Variants in SEM1 observed in about 807,000 individuals in gnomAD.
SEM1 encodes the protein 26S proteasome complex subunit SEM1.
In SEM1, 3 loss-of-function variants were observed where a neutral mutation model predicts 12.7. That is an observed-to-expected ratio of 0.24 (90% CI 0.11 to 0.61). The LOEUF is 0.61. Ranked by LOEUF, SEM1 falls within the 20% of genes least tolerant of loss-of-function variation. The pLI is 0.88. For missense variants in SEM1, 59 were observed against 81.3 expected (o/e 0.73, Z 1.06); for synonymous variants, 30 against 27.8 (o/e 1.08, Z -0.25).
At chr7:96,508,894 C>T (rs1440194538) in intron 2 of SEM1, among the ~76,000 whole-genome samples, 1 of 151,902 alleles carries the variant, frequency 6.6e-6, no homozygotes, top group Non-Finnish European at 1.5e-5. Flanking sequence ...TACGTCTTTA[C>T]TTGATAACTC....
chr7:96,624,670 C>T (rs1005922157), intron 2 of SEM1, among the ~76,000 whole-genome samples: 1 of 152,076 alleles, frequency 6.6e-6, no homozygotes, highest in Non-Finnish European at 1.5e-5. Context: ...TTCAGGATGT[C>T]CCCTTCCAAC....
chr7:96,661,769 C>T (rs530735118), intron 2 of SEM1, among the ~76,000 whole-genome samples: 5 of 152,082 alleles, frequency 3.3e-5, no homozygotes, highest in Non-Finnish European at 5.9e-5. Flanking sequence ...GGGCAGATCA[C>T]CTGAGGTCGG....
At chr7:96,494,003 A>G (rs1803133714) in intron 1 of SEM1, among the ~76,000 whole-genome samples, 1 of 152,178 alleles carries the variant, frequency 6.6e-6, no homozygotes. Context: ...TTCTGGACAG[A>G]TATGTGCTTG....
At chr7:96,483,856 C>T in exon 4 of SEM1, 1 of 1,536,626 alleles carries the variant, frequency 6.5e-7, no homozygotes, top group Non-Finnish European at 8.7e-7. Flanking sequence ...TATTGATATG[C>T]TGCTAGCAAG....
intron 2 of SEM1, among the ~76,000 whole-genome samples, chr7:96,539,658 G>C (rs1804889863): frequency 6.6e-6 from 1 of 151,700 alleles, no homozygotes; most frequent in Admixed American, 6.6e-5. Context: ...AAAATAATGT[G>C]TTGAAAAGGA....
Position 96,569,566 on chromosome 7 carries a change from T to C in SEM1, c.171-62868A>G, listed in dbSNP as rs529857755. ...TTTTTAAAATATATTTTTATTCTTA[T>C]AGATACAGGGGGTACAAGTGCAGAT... On this transcript the variant is annotated intron_variant and NMD_transcript_variant, in intron 2 of 3. Transcript: ENST00000466986. 5.3e-5 allele frequency among the ~76,000 whole-genome samples: 8 copies of C among 152,236 alleles called. No individual in the cohort carries two copies. In the East Asian group the frequency reaches 9.6e-4, roughly 18 times the overall value.
chr7:96,601,926 C>G lies in SEM1; in HGVS notation c.170+92872G>C, dbSNP rs537591773. Among the ~76,000 whole-genome samples, 9 of 152,188 alleles carry G rather than the reference C, an allele frequency of 5.9e-5. No homozygotes were observed. The South Asian group carries it at 1.5e-3, about 25-fold the overall frequency. On this transcript the variant is annotated intron_variant and NMD_transcript_variant, in intron 2 of 3. Transcript: ENST00000466986. ...AAGGTAAACACAAAAAGGTCTATTACATTGGATGTGGAAAGAAGTGAAAAA... is the reference window on the plus strand; with the variant it reads ...AAGGTAAACACAAAAAGGTCTATTAGATTGGATGTGGAAAGAAGTGAAAAA...
At chr7:96,607,617 A>AC (rs5885976) in intron 2 of SEM1, among the ~76,000 whole-genome samples, 146,788 of 152,136 alleles carry the variant, frequency 0.96, 71,022 homozygotes, top group East Asian at 1. Context: ...GTAGCCAGCC[A>AC]CCCCACCTCA....
chr7:96,636,424 G>A (rs1808427781), intron 2 of SEM1, among the ~76,000 whole-genome samples: 1 of 152,034 alleles, frequency 6.6e-6, no homozygotes, highest in African/African-American at 2.4e-5. Flanking sequence ...CTCTGTGGGA[G>A]AAATCCACAG....
chr7:96,673,754 G>A (rs746476924), exon 3 of SEM1: 15 of 765,138 alleles, frequency 2.0e-5, no homozygotes, highest in Admixed American at 8.5e-5. Context: ...ACAGGTTGAT[G>A]ATCTGTTAAC....
chr7:96,646,996 A>G (rs2116422514), intron 2 of SEM1, among the ~76,000 whole-genome samples: 1 of 152,320 alleles, frequency 6.6e-6, no homozygotes, highest in Middle Eastern at 3.4e-3. Context: ...TTAAGCATTG[A>G]GAAAAGCTGG....
intron 3 of SEM1, among the ~76,000 whole-genome samples, chr7:96,504,630 A>C (rs1295048232): frequency 6.6e-6 from 1 of 152,148 alleles, no homozygotes; most frequent in African/African-American, 2.4e-5. Context: ...ATAAGAAATC[A>C]TGCAAATTAT....
intron 2 of SEM1, among the ~76,000 whole-genome samples, chr7:96,565,702 A>G (rs1217210307): frequency 6.6e-6 from 1 of 151,858 alleles, no homozygotes; most frequent in African/African-American, 2.4e-5. Context: ...AAAGGCTTTA[A>G]AAAGCTTTAA....
chr7:96,494,198 T>G (rs1020626858), intron 1 of SEM1, among the ~76,000 whole-genome samples: 4 of 152,196 alleles, frequency 2.6e-5, no homozygotes, highest in Admixed American at 1.3e-4. Context: ...TGCATTGTGG[T>G]GTACAAACTC....
chr7:96,593,226 A>G (rs551258772), intron 2 of SEM1, among the ~76,000 whole-genome samples: 1 of 152,278 alleles, frequency 6.6e-6, no homozygotes, highest in African/African-American at 2.4e-5. Flanking sequence ...TGAGCTTCCC[A>G]GATTCTAAGT....
chr7:96,553,712 T>A (rs1805376971), intron 2 of SEM1, among the ~76,000 whole-genome samples: 1 of 151,996 alleles, frequency 6.6e-6, no homozygotes, highest in African/African-American at 2.4e-5. Flanking sequence ...TTTAAAGTAG[T>A]TTTTTCCAAT....
At chr7:96,566,168 AC>A (rs1259847494) in intron 2 of SEM1, among the ~76,000 whole-genome samples, 1 of 151,666 alleles carries the variant, frequency 6.6e-6, no homozygotes, top group African/African-American at 2.4e-5. Flanking sequence ...AGTTAAACAT[AC>A]AGTATAATAT....
intron 2 of SEM1, among the ~76,000 whole-genome samples, chr7:96,529,487 A>G (rs533003845): frequency 6.6e-6 from 1 of 152,240 alleles, no homozygotes; most frequent in South Asian, 2.1e-4. Flanking sequence ...ATCTCAAACT[A>G]AAAATCAGTT....
intron 2 of SEM1, among the ~76,000 whole-genome samples, chr7:96,514,530 C>CCA (rs1554408938): frequency 7.2e-5 from 1 of 13,822 alleles, no homozygotes; most frequent in African/African-American, 5.6e-4. Flanking sequence ...AAGTAATTGA[C>CCA]AAAAAACCTC....
Sources: gnomAD v4.1 joint callset for allele counts (sites outside exome capture counted in the v4.1 genomes callset) on GRCh38, gnomAD v4.1.1 for gene constraint, MANE v1.5 for transcripts, NCBI Gene and HGNC (gene_info 2026-07-23, HGNC 2026-07-21) for gene names.